CD109: variants seen among roughly 807,000 people sequenced by gnomAD.
The protein encoded by CD109 is CD109 molecule.
CD109 carries 149 observed loss-of-function variants against 165.8 expected under a neutral mutation model. The observed-to-expected ratio is 0.90, with a 90% CI of 0.79 to 1.03. The LOEUF (loss-of-function observed/expected upper bound fraction) is 1.03, where lower values mean the gene tolerates loss of function less well. Ranked by LOEUF, CD109 falls within the 50% of genes least tolerant of loss-of-function variation. The pLI is 0.00. For missense variants in CD109, 1,712 were observed against 1,677.8 expected, an observed-to-expected ratio of 1.02 and a Z score of -0.36; for synonymous variants, 585 against 592.1, an observed-to-expected ratio of 0.99 and a Z score of 0.18.
intron 23 of CD109, among the ~76,000 whole-genome samples, chr6:73,793,372 C>T (rs530271188): frequency 6.6e-6 from 1 of 152,202 alleles, no homozygotes; most frequent in Non-Finnish European, 1.5e-5. Flanking sequence ...GGAAACTGTT[C>T]ACAGGCACCA....
intron 6 of CD109, among the ~76,000 whole-genome samples, chr6:73,757,176 A>G (rs1179220480): frequency 6.6e-6 from 1 of 152,234 alleles, no homozygotes; most frequent in Non-Finnish European, 1.5e-5. Context: ...GACTGAAAGC[A>G]TAGGATCTTA....
intron 23 of CD109, among the ~76,000 whole-genome samples, chr6:73,798,201 G>A (rs1043082048): frequency 2.7e-5 from 4 of 149,832 alleles, no homozygotes; most frequent in South Asian, 2.1e-4. Context: ...TGCAACCTCC[G>A]CCTCCCAGGT....
chr6:73,707,963 TA>T (rs869297516), intron 2 of CD109, among the ~76,000 whole-genome samples: 21 of 426 alleles, frequency 0.049, no homozygotes, highest in South Asian at 0.1. Flanking sequence ...TTGTTATCTT[TA>T]TATATATATA....
At chr6:73,786,078 C>T (rs1341472127) in intron 20 of CD109, among the ~76,000 whole-genome samples, 2 of 143,828 alleles carry the variant, frequency 1.4e-5, no homozygotes, top group African/African-American at 5.2e-5. Flanking sequence ...AAGTGATCTG[C>T]CTGCCTTGGC....
chr6:73,767,112 C>T (rs1472566942), intron 13 of CD109, 102 bp downstream of exon 13: 4 of 905,260 alleles, frequency 4.4e-6, no homozygotes, highest in Non-Finnish European at 6.9e-6. Context: ...TATAGCTAAA[C>T]TCATGTCATG....
At chr6:73,811,268 A>T (rs1054850704) in intron 28 of CD109, 121 bp downstream of exon 28, 7 of 1,150,052 alleles carry the variant, frequency 6.1e-6, no homozygotes, top group Non-Finnish European at 8.2e-6. Flanking sequence ...GTAGAGTAAT[A>T]GGGAGAAGTG....
At chr6:73,721,485 C>T (rs1771946050) in intron 2 of CD109, among the ~76,000 whole-genome samples, 2 of 151,244 alleles carry the variant, frequency 1.3e-5, no homozygotes, top group Admixed American at 1.3e-4. Context: ...CTGCCTCAGC[C>T]TCCCGAGTAG....
intron 29 of CD109, among the ~76,000 whole-genome samples, chr6:73,813,716 C>G (rs1433377006): frequency 1.3e-5 from 2 of 152,070 alleles, no homozygotes; most frequent in East Asian, 3.8e-4. Flanking sequence ...AAATAAACTG[C>G]AAGATCTTTT....
At position 73,723,385 on chromosome 6, in the gene CD109, C is replaced by G. The variant is rs75468728; in HGVS notation, c.276+106C>G. The G allele has an allele frequency of 4.5e-3, 4,073 of 908,932 alleles. 142 individuals carry two copies. In the African/African-American group the frequency reaches 0.06, roughly 13 times the overall value. The allele number at this position is 908,932 out of a possible 1,614,324, so 56.3% of individuals were successfully genotyped here. ...ATGTCAATTCACACATTTCACGTTTCATGTAAGTTTGGCTTGAGTTTAGTT... is the reference window on the plus strand; with the variant it reads ...ATGTCAATTCACACATTTCACGTTTGATGTAAGTTTGGCTTGAGTTTAGTT... On this transcript the variant is annotated intron_variant, in intron 3 of 32. Transcript: ENST00000287097.
chr6:73,733,561 T>C (rs1772442829), intron 4 of CD109, among the ~76,000 whole-genome samples: 1 of 152,222 alleles, frequency 6.6e-6, no homozygotes, highest in South Asian at 2.1e-4. Flanking sequence ...ACAATGGAAT[T>C]GAGTGCCTCT....
chr6:73,828,159 T>G lies in CD109; in HGVS notation c.*4526T>G, dbSNP rs960021154. The G allele has an allele frequency of 2.6e-5, 4 of 154,780 alleles. No individual in the cohort carries two copies. The highest frequency in any genetic ancestry group is 9.6e-5 in the African/African-American group (4 of 41,502). 9.6% of individuals were successfully genotyped at this position (154,780 alleles called of 1,614,324 possible). On this transcript the variant is annotated 3_prime_UTR_variant, in exon 33 of 33. Transcript: ENST00000287097. ...GCTGTTTTGCATATGAGAAGAACAC[T>G]GTTGAAATAAGGAACTAAAGCTTTA...
At chr6:73,752,845 A>G (rs532951956) in intron 5 of CD109, among the ~76,000 whole-genome samples, 30 of 152,342 alleles carry the variant, frequency 2.0e-4, no homozygotes, top group Non-Finnish European at 4.0e-4. Context: ...GATGAACTAC[A>G]GTTAACACAA....
At chr6:73,802,257 A>ATGTGTGTGTG (rs533767572) in intron 23 of CD109, among the ~76,000 whole-genome samples, 1 of 100,392 alleles carries the variant, frequency 1.0e-5, no homozygotes, top group African/African-American at 4.2e-5. Context: ...GCATGTGTAT[A>ATGTGTGTGTG]TGTGTGTGTG....
At position 73,825,032 on chromosome 6, in the gene CD109, T is replaced by A. The variant is rs1001768975; in HGVS notation, c.*1399T>A. The stretch of plus-strand genomic sequence containing the variant: ...ATGTTTTTAGCTATTTAAAAATAAA[T>A]CCATCAAAAATAAAGTATGCAAATG... On this transcript the variant is annotated 3_prime_UTR_variant, in exon 33 of 33. Coordinates refer to ENST00000287097, the MANE Select transcript of CD109 (RefSeq NM_133493.5). The A allele has an allele frequency of 6.6e-6, 1 of 152,164 alleles. No homozygotes were observed. Among genetic ancestry groups the A allele is most frequent in the Admixed American group, 6.5e-5 (1 of 15,272 alleles). 9.4% of individuals were successfully genotyped at this position (152,164 alleles called of 1,614,324 possible). A position where few individuals can be genotyped will look rare whatever the true frequency, so the allele number is the denominator to read the frequency against.
At chr6:73,788,781 T>C (rs543186306) in intron 22 of CD109, among the ~76,000 whole-genome samples, 169 bp downstream of exon 22, 1 of 152,324 alleles carries the variant, frequency 6.6e-6, no homozygotes, top group African/African-American at 2.4e-5. Flanking sequence ...AAATTATGTA[T>C]CCTAAAACTG....
intron 24 of CD109, among the ~76,000 whole-genome samples, chr6:73,806,570 C>G (rs1775574852): frequency 6.6e-6 from 1 of 152,158 alleles, no homozygotes; most frequent in Admixed American, 6.5e-5. Context: ...TAGATCATTT[C>G]TAAATTCCTT....
intron 5 of CD109, among the ~76,000 whole-genome samples, chr6:73,737,451 G>C (rs1298802525): frequency 7.9e-6 from 1 of 127,320 alleles, no homozygotes; most frequent in Non-Finnish European, 1.6e-5. Flanking sequence ...TCTTTTTAAG[G>C]TAGCAGAAGC....
chr6:73,735,940 G>A (rs750363463), intron 4 of CD109, among the ~76,000 whole-genome samples: 2 of 152,076 alleles, frequency 1.3e-5, no homozygotes, highest in African/African-American at 2.4e-5. Flanking sequence ...TACCACCACC[G>A]CCGCCACCAG....
chr6:73,718,095 G>C (rs992603068), intron 2 of CD109, among the ~76,000 whole-genome samples: 1 of 151,938 alleles, frequency 6.6e-6, no homozygotes, highest in Non-Finnish European at 1.5e-5. Context: ...CAGATCACTT[G>C]AGCCTGGGAG....
Sources: allele counts gnomAD v4.1 joint callset (sites outside exome capture counted in the v4.1 genomes callset), GRCh38; gene constraint gnomAD v4.1.1; transcripts MANE v1.5; gene names NCBI Gene and HGNC (gene_info 2026-07-23, HGNC 2026-07-21).